Variants in ZMIZ1 observed in about 807,000 individuals in gnomAD.
ZMIZ1 encodes zinc finger MIZ domain-containing protein 1.
In ZMIZ1, 17 loss-of-function variants were observed where a neutral mutation model predicts 113.9. The observed-to-expected ratio is 0.15, with a 90% CI of 0.10 to 0.22. ZMIZ1 has a LOEUF of 0.22. ZMIZ1 is among the 10% of genes least tolerant of loss of function. The probability of loss-of-function intolerance (pLI) is 1.00; values close to 1 mark genes in which losing one functional copy is unlikely to be tolerated. For synonymous variants in ZMIZ1, 607 were observed against 603.1 expected (o/e 1.01, Z -0.09); for missense variants, 1,059 against 1,477.8 (o/e 0.72, Z 4.65).
At chr10:79,103,961 C>T (rs1231136539) in intron 1 of ZMIZ1, among the ~76,000 whole-genome samples, 3 of 152,236 alleles carry the variant, frequency 2.0e-5, no homozygotes, top group African/African-American at 7.2e-5. Flanking sequence ...GGTGTCACTA[C>T]CAACCTTGTT....
At chr10:79,168,607 A>G in intron 4 of ZMIZ1, among the ~76,000 whole-genome samples, 1 of 152,184 alleles carries the variant, frequency 6.6e-6, no homozygotes, top group South Asian at 2.1e-4. Flanking sequence ...CTAGCATCCC[A>G]GTTGTTAATG....
chr10:79,293,615 C>T lies in ZMIZ1; in HGVS notation c.1192C>T (p.Leu398Phe). ...CTACCCGGGCCCCCGGCCCCAGTCC[C>T]TTCCTATTCAGAACATAAAGAGGCC... ...QTYPGPRPQS[L>F]PIQNIKRPYP... Residue 398 changes from leucine (L) to phenylalanine (F), a missense_variant, in exon 12 of 25, where the codon CTT becomes TTT. Transcript: ENST00000334512. 1 of 1,613,148 alleles carries T rather than the reference C, an allele frequency of 6.2e-7. No individual in the cohort carries two copies. Among genetic ancestry groups the T allele is most frequent in the Non-Finnish European group, 8.5e-7 (1 of 1,180,034 alleles).
chr10:79,293,337 C>CT (rs546883130), intron 11 of ZMIZ1, 44 bp from the exon 12 acceptor site: 60,316 of 1,317,132 alleles, frequency 0.046, 618 homozygotes, highest in Middle Eastern at 0.059. Context: ...GCATTTTATT[C>CT]TTTTTTTTTT....
At chr10:79,279,886 G>T (rs902088551) in intron 8 of ZMIZ1, among the ~76,000 whole-genome samples, 8 of 152,316 alleles carry the variant, frequency 5.3e-5, no homozygotes, top group Admixed American at 5.2e-4. Context: ...CAGGCAGGGA[G>T]GTTGCAGTGA....
At chr10:79,147,230 C>T (rs1474849428) in intron 3 of ZMIZ1, among the ~76,000 whole-genome samples, 6 of 152,138 alleles carry the variant, frequency 3.9e-5, no homozygotes, top group East Asian at 1.9e-4. Flanking sequence ...TGTTCTGATC[C>T]TCTGCCCTCC....
chr10:79,111,943 T>C (rs893864873), intron 1 of ZMIZ1, among the ~76,000 whole-genome samples: 2 of 152,200 alleles, frequency 1.3e-5, no homozygotes, highest in Non-Finnish European at 2.9e-5. Context: ...AGTTACAAAT[T>C]GGGAGCTACA....
At chr10:79,183,355 C>T (rs1847204734) in intron 4 of ZMIZ1, among the ~76,000 whole-genome samples, 1 of 80,046 alleles carries the variant, frequency 1.2e-5, no homozygotes, top group Non-Finnish European at 2.2e-5. Flanking sequence ...GGCTCGTGCA[C>T]GCGCACACAC....
At chr10:79,300,682 T>C (rs1476580423) in intron 16 of ZMIZ1, 50 bp from the exon 17 acceptor site, 4 of 1,567,128 alleles carry the variant, frequency 2.6e-6, no homozygotes, top group Non-Finnish European at 2.6e-6. Flanking sequence ...ACGGAGGCCA[T>C]GGACAGCCCC....
At chr10:79,128,138 A>G (rs1844594751) in intron 2 of ZMIZ1, among the ~76,000 whole-genome samples, 1 of 152,112 alleles carries the variant, frequency 6.6e-6, no homozygotes, top group South Asian at 2.1e-4. Context: ...CTTCTGCCTC[A>G]GGTCTCCCTC....
intron 5 of ZMIZ1, among the ~76,000 whole-genome samples, chr10:79,208,048 T>G (rs1589425028): frequency 1.8e-5 from 2 of 113,344 alleles, no homozygotes; most frequent in African/African-American, 6.5e-5. Flanking sequence ...GGGGTGGGGA[T>G]GGGGGTAGAG....
At chr10:79,235,358 G>A in intron 7 of ZMIZ1, among the ~76,000 whole-genome samples, 1 of 152,186 alleles carries the variant, frequency 6.6e-6, no homozygotes. Context: ...ATGGGCTTGG[G>A]AGGTTCCTAA....
chr10:79,298,786 T>C (rs576804278), intron 15 of ZMIZ1, among the ~76,000 whole-genome samples: 1 of 152,238 alleles, frequency 6.6e-6, no homozygotes, highest in East Asian at 1.9e-4. Flanking sequence ...GCCTGGAGGC[T>C]GGGAGGAAAA....
Position 79,069,595 on chromosome 10 carries a change from C to A in ZMIZ1, c.-337+325C>A, listed in dbSNP as rs1428746762. Reference sequence around the variant, plus strand: ...CCGCCTCCTGCCGGCGCGCCTCCAGCCCTCGCTCCCTACACCCGGGGGCCG... The same window carrying A: ...CCGCCTCCTGCCGGCGCGCCTCCAGACCTCGCTCCCTACACCCGGGGGCCG... On this transcript the variant is annotated intron_variant, in intron 1 of 24. Transcript: ENST00000334512. This position sits in a 1 kb window ranked among gnomAD's most constrained non-coding sequence, Gnocchi z 4.6. Among the ~76,000 whole-genome samples the A allele has an allele frequency of 6.6e-6, 1 of 151,442 alleles. No individual in the cohort carries two copies. The highest frequency in any genetic ancestry group is 1.5e-5 in the Non-Finnish European group (1 of 67,782).
Position 79,293,585 on chromosome 10 carries a change from C to A in ZMIZ1, c.1162C>A (p.Gln388Lys). 2 of 1,613,114 alleles carry A rather than the reference C, an allele frequency of 1.2e-6. No individual in the cohort carries two copies. The highest frequency in any genetic ancestry group is 4.5e-5 in the East Asian group (2 of 44,880). Residue 388 changes from glutamine (Q) to lysine (K), a missense_variant, in exon 12 of 25, where the codon CAG becomes AAG. Around this residue, in one of 6 missense-constraint regions of ZMIZ1, gnomAD observed 239 missense variants for 247.5 expected, o/e 0.97. Transcript: ENST00000334512. The part of the protein sequence containing the change: ...FGTHGQRMPQ[Q>K]TYPGPRPQSL... ...CACACACGGGCAGCGGATGCCCCAG[C>A]AGACCTACCCGGGCCCCCGGCCCCA...
chr10:79,283,443 C>CCAGT (rs1852866403), intron 8 of ZMIZ1, among the ~76,000 whole-genome samples: 1 of 152,172 alleles, frequency 6.6e-6, no homozygotes, highest in African/African-American at 2.4e-5. Context: ...AGCCCATGGA[C>CCAGT]CAGTCATTAT....
intron 16 of ZMIZ1, among the ~76,000 whole-genome samples, chr10:79,300,344 G>C (rs1263660107): frequency 6.6e-6 from 1 of 152,218 alleles, no homozygotes; most frequent in Non-Finnish European, 1.5e-5. Flanking sequence ...TGGGAGGACA[G>C]CTCCCAGCAG....
intron 4 of ZMIZ1, among the ~76,000 whole-genome samples, chr10:79,164,996 A>G (rs188397185): frequency 1.4e-4 from 21 of 152,186 alleles, no homozygotes; most frequent in African/African-American, 4.6e-4. Flanking sequence ...TTGCATGGAC[A>G]TAGGGGCACT....
At chr10:79,142,554 C>T (rs2132420010) in intron 3 of ZMIZ1, among the ~76,000 whole-genome samples, 1 of 152,242 alleles carries the variant, frequency 6.6e-6, no homozygotes, top group South Asian at 2.1e-4. Flanking sequence ...GTGGGAACAG[C>T]CTACACAAAG....
chr10:79,308,403 C>CA (rs2132098513), intron 23 of ZMIZ1, among the ~76,000 whole-genome samples: 1 of 152,314 alleles, frequency 6.6e-6, no homozygotes, highest in East Asian at 1.9e-4. Context: ...TCTGAGGTCT[C>CA]AGTCATTCTG....
Sources: gnomAD v4.1 joint callset for allele counts (sites outside exome capture counted in the v4.1 genomes callset) on GRCh38, gnomAD v4.1.1 for gene constraint, gnomAD v4.1.1 regional missense constraint, Gnocchi (gnomAD v3.1) non-coding constraint, MANE v1.5 for transcripts, NCBI Gene and HGNC (gene_info 2026-07-23, HGNC 2026-07-21) for gene names.